The following CLCA2 variants were observed in gnomAD, a reference collection of about 807,000 sequenced individuals.
CLCA2 encodes calcium-activated chloride channel regulator 2.
A neutral mutation model predicts 82.9 loss-of-function variants in CLCA2; 85 were observed. That is an observed-to-expected ratio of 1.03 (90% confidence interval 0.86 to 1.23). The LOEUF is 1.23. Among genes scored for constraint, CLCA2 ranks in the 50% most tolerant of loss-of-function variants. The pLI, the probability that CLCA2 is intolerant of heterozygous loss-of-function variation, is 0.00. For missense variants in CLCA2, 1,089 were observed against 1,124.8 expected, an observed-to-expected ratio of 0.97 and a Z score of 0.45; for synonymous variants, 421 against 391.7, an observed-to-expected ratio of 1.07 and a Z score of -0.88.
rs1433308635 is a variant in CLCA2 at position 86,447,635 on chromosome 1, A to G, written c.1841A>G (p.Asp614Gly). The G allele has an allele frequency of 1.9e-6, 3 of 1,613,980 alleles. No homozygotes were observed. In the African/African-American group the frequency reaches 4.0e-5, roughly 22 times the overall value. ...PATVEAFVER[D>G]SLHFPHPVMI... ...ACTGTGGAAGCCTTTGTGGAAAGAG[A>G]CAGCCTCCATTTTCCTCATCCTGTG... The change falls in exon 11 of 14, where the codon GAC (aspartate) becomes GGC (glycine). Residue 614 changes from aspartate (D) to glycine (G), a missense_variant. Asp to Gly is a moderately conservative substitution (Grantham distance 94). Coordinates refer to ENST00000370565, the MANE Select transcript of CLCA2 (RefSeq NM_006536.7).
intron 3 of CLCA2, 85 bp downstream of exon 3, chr1:86,428,653 A>G (rs1662437644): frequency 1.4e-6 from 2 of 1,470,642 alleles, no homozygotes; most frequent in Non-Finnish European, 1.8e-6. Flanking sequence ...CTCACTCACA[A>G]AACCTGAAAC....
intron 7 of CLCA2, among the ~76,000 whole-genome samples, chr1:86,439,916 TC>T (rs766853871): frequency 1.4e-4 from 22 of 152,246 alleles, no homozygotes; most frequent in Non-Finnish European, 2.4e-4. Flanking sequence ...TGGATACAGT[TC>T]TAAACTATGG....
intron 11 of CLCA2, chr1:86,448,082 C>T (rs1452810700): frequency 1.4e-5 from 5 of 355,608 alleles, no homozygotes; most frequent in African/African-American, 2.1e-5. Flanking sequence ...CTTCTATGTC[C>T]TTATGACATA....
In CLCA2 at chr1:86,455,531, A is replaced by T; in HGVS notation, c.*4A>T. ...GAATGGAACAAAATTATTATAAATAAATATCCAAAGTGTCTTCCTTCTTAG... is the reference window on the plus strand; with the variant it reads ...GAATGGAACAAAATTATTATAAATATATATCCAAAGTGTCTTCCTTCTTAG... On this transcript the variant is annotated 3_prime_UTR_variant, in exon 14 of 14. Transcript: ENST00000370565. The T allele has an allele frequency of 6.8e-7, 1 of 1,462,596 alleles. No homozygotes were observed. 90.6% of individuals were successfully genotyped at this position (1,462,596 alleles called of 1,614,324 possible).
chr1:86,432,277 A>G, intron 4 of CLCA2, 92 bp from the exon 5 acceptor site: 1 of 1,467,710 alleles, frequency 6.8e-7, no homozygotes. Flanking sequence ...CTAGCAGGCT[A>G]CAATCCTTGT....
At chr1:86,442,453 G>A (rs192685690) in intron 9 of CLCA2, among the ~76,000 whole-genome samples, 17 of 152,188 alleles carry the variant, frequency 1.1e-4, no homozygotes, top group South Asian at 4.1e-4. Context: ...AAGCCTTAAC[G>A]TTCCCAAACT....
Position 86,456,128 on chromosome 1 carries a change from G to A in CLCA2, c.*601G>A, listed in dbSNP as rs1412906974. The A allele has an allele frequency of 2.0e-5, 3 of 152,034 alleles. No individual in the cohort carries two copies. Among genetic ancestry groups the A allele is most frequent in the African/African-American group, 2.4e-5 (1 of 41,464 alleles). 9.4% of individuals were successfully genotyped at this position (152,034 alleles called of 1,614,324 possible). Reference sequence around the variant, plus strand: ...GGTATTACCTTTGTCTCTTCATACCGGTTTTATGACAAAGGTCTATTGAAT... The same window carrying A: ...GGTATTACCTTTGTCTCTTCATACCAGTTTTATGACAAAGGTCTATTGAAT... On this transcript the variant is annotated 3_prime_UTR_variant, in exon 14 of 14. Coordinates refer to ENST00000370565, the MANE Select transcript of CLCA2 (RefSeq NM_006536.7).
At chr1:86,440,120 T>C in intron 7 of CLCA2, 28 bp from the exon 8 acceptor site, 1 of 1,607,236 alleles carries the variant, frequency 6.2e-7, no homozygotes, top group Non-Finnish European at 8.5e-7. Flanking sequence ...CTACACTTCC[T>C]TCCAAGTGAC....
chr1:86,441,920 T>C (rs1307837644), intron 9 of CLCA2, among the ~76,000 whole-genome samples: 1 of 152,264 alleles, frequency 6.6e-6, no homozygotes, highest in Non-Finnish European at 1.5e-5. Context: ...TCAACATCTT[T>C]GAAGCTCTTC....
At chr1:86,442,070 T>C (rs1662748620) in intron 9 of CLCA2, among the ~76,000 whole-genome samples, 1 of 152,134 alleles carries the variant, frequency 6.6e-6, no homozygotes, top group Admixed American at 6.6e-5. Flanking sequence ...TTTTTTTTTC[T>C]TTCCAAAGTA....
At chr1:86,448,960 G>A (rs146382892) in intron 11 of CLCA2, among the ~76,000 whole-genome samples, 1,570 of 152,274 alleles carry the variant, frequency 0.01, 29 homozygotes, top group African/African-American at 0.035. Context: ...AGGGAATATC[G>A]TCTGATTCAG....
At chr1:86,433,229 G>C (rs1570254968) in intron 5 of CLCA2, among the ~76,000 whole-genome samples, 1 of 152,168 alleles carries the variant, frequency 6.6e-6, no homozygotes, top group South Asian at 2.1e-4. Context: ...GTGATTCAGA[G>C]GTTAGTAGCA....
rs749732248 is a variant in CLCA2 at position 86,443,769 on chromosome 1, A to G, written c.1489-18A>G. ...ATGCATACACCAGAAACTCTCATAT[A>G]TATCTTCTCTTTAACAGCTTGAAAG... On this transcript the variant is annotated intron_variant, in intron 9 of 13. Coordinates refer to ENST00000370565, the MANE Select transcript of CLCA2 (RefSeq NM_006536.7). 9 of 1,588,140 alleles carry G rather than the reference A, an allele frequency of 5.7e-6. No individual in the cohort carries two copies. The highest frequency in any genetic ancestry group is 1.7e-4 in the Middle Eastern group (1 of 6,004).
chr1:86,428,582 A>G lies in CLCA2; in HGVS notation c.475+14A>G, dbSNP rs1382489620. 3 of 1,610,810 alleles carry G rather than the reference A, an allele frequency of 1.9e-6. No homozygotes were observed. Among genetic ancestry groups the G allele is most frequent in the Admixed American group, 3.3e-5 (2 of 59,780 alleles). On this transcript the variant is annotated intron_variant, in intron 3 of 13. Transcript: ENST00000370565. ...ACGGATCACGAGGTAAGTGGGACCA[A>G]TAAAACAATAGCCATTGGACAATAC...
At chr1:86,444,410 G>T (rs1030612144) in intron 10 of CLCA2, among the ~76,000 whole-genome samples, 4 of 152,118 alleles carry the variant, frequency 2.6e-5, no homozygotes, top group African/African-American at 9.7e-5. Flanking sequence ...GCTGGGTTTT[G>T]TTCCAGGTAC....
At chr1:86,453,306 G>A in intron 12 of CLCA2, 63 bp from the exon 13 acceptor site, 1 of 1,288,620 alleles carries the variant, frequency 7.8e-7, no homozygotes. Flanking sequence ...ACTGTGTCAA[G>A]AACAAGCTAT....
chr1:86,438,745 T>G, intron 6 of CLCA2, 131 bp from the exon 7 acceptor site: 1 of 736,194 alleles, frequency 1.4e-6, no homozygotes, highest in Non-Finnish European at 2.2e-6. Flanking sequence ...ATGTTACTCT[T>G]TAAAGCTCAA....
At chr1:86,439,389 C>A (rs1444046973) in intron 7 of CLCA2, among the ~76,000 whole-genome samples, 2 of 152,206 alleles carry the variant, frequency 1.3e-5, no homozygotes, top group Non-Finnish European at 2.9e-5. Context: ...AGGACCTAAA[C>A]AACATCTGGG....
At chr1:86,441,062 T>C (rs1387437901) in intron 8 of CLCA2, among the ~76,000 whole-genome samples, 1 of 152,242 alleles carries the variant, frequency 6.6e-6, no homozygotes, top group African/African-American at 2.4e-5. Flanking sequence ...AAAGGTTTTA[T>C]TGAATTATCT....
Sources: gnomAD v4.1 joint callset for allele counts (sites outside exome capture counted in the v4.1 genomes callset) on GRCh38, gnomAD v4.1.1 for gene constraint, MANE v1.5 for transcripts, NCBI Gene and HGNC (gene_info 2026-07-23, HGNC 2026-07-21) for gene names.